ITGA1: variants seen among roughly 807,000 people sequenced by gnomAD.
The protein encoded by ITGA1 is integrin alpha-1.
In ITGA1, 85 loss-of-function variants were observed where a neutral mutation model predicts 145.9. The observed-to-expected ratio is 0.58, with a 90% confidence interval of 0.49 to 0.70. The LOEUF (loss-of-function observed/expected upper bound fraction) is 0.70. Among genes scored for constraint, ITGA1 ranks in the 30% least tolerant of loss-of-function variants. ITGA1 has a pLI of 0.00. For missense variants in ITGA1, 1,351 were observed against 1,418.7 expected, an observed-to-expected ratio of 0.95 and a Z score of 0.77; for synonymous variants, 520 against 495.3, an observed-to-expected ratio of 1.05 and a Z score of -0.66.
In ITGA1 at chr5:52,939,755, T is replaced by C. The variant is rs1046533123; in HGVS notation, c.3180+64T>C. ...CAAATGAATAAAATTGATATCAATC[T>C]AGAAATAACCATCTGAAGAATTTAA... On this transcript the variant is annotated intron_variant, in intron 25 of 28. Coordinates refer to ENST00000282588, the MANE Select transcript of ITGA1 (RefSeq NM_181501.2). The C allele has an allele frequency of 1.8e-5, 26 of 1,443,382 alleles. No homozygotes were observed. In the African/African-American group the frequency reaches 3.5e-4, roughly 20 times the overall value. The allele number at this position is 1,443,382 out of a possible 1,614,324, so 89.4% of individuals were successfully genotyped here.
chr5:52,909,312 T>C (rs1291353363), intron 13 of ITGA1, among the ~76,000 whole-genome samples: 2 of 152,070 alleles, frequency 1.3e-5, no homozygotes, highest in Non-Finnish European at 2.9e-5. Flanking sequence ...ACTAAACTGC[T>C]AAATAAACCC....
chr5:52,822,855 C>G (rs1473954877), intron 1 of ITGA1, among the ~76,000 whole-genome samples: 1 of 152,178 alleles, frequency 6.6e-6, no homozygotes, highest in Non-Finnish European at 1.5e-5. Context: ...AAATTGTTTT[C>G]TGCTCTAGGT....
intron 1 of ITGA1, chr5:52,801,520 G>A (rs1344918971): frequency 6.2e-7 from 1 of 1,614,158 alleles, no homozygotes. Context: ...AGCCTTGGAT[G>A]ACTTCTATAA....
intron 7 of ITGA1, among the ~76,000 whole-genome samples, 162 bp from the exon 8 acceptor site, chr5:52,887,653 C>T (rs1319825875): frequency 2.0e-5 from 3 of 152,202 alleles, no homozygotes; most frequent in Non-Finnish European, 4.4e-5. Context: ...CTATTACAAA[C>T]AAGGCTCATT....
intron 2 of ITGA1, among the ~76,000 whole-genome samples, chr5:52,857,372 C>T (rs1372598859): frequency 6.6e-6 from 1 of 151,994 alleles, no homozygotes; most frequent in African/African-American, 2.4e-5. Context: ...CAGGATTTCT[C>T]TTGTTACTGT....
chr5:52,912,828 G>C (rs890020912), intron 14 of ITGA1, among the ~76,000 whole-genome samples: 2 of 150,194 alleles, frequency 1.3e-5, no homozygotes, highest in African/African-American at 4.9e-5. Flanking sequence ...CTTACTGCAC[G>C]CTCCACCTCC....
intron 1 of ITGA1, among the ~76,000 whole-genome samples, chr5:52,846,901 G>A (rs1247978767): frequency 6.6e-6 from 1 of 152,026 alleles, no homozygotes; most frequent in East Asian, 1.9e-4. Flanking sequence ...CCTTAACTAA[G>A]ATGAAATAGT....
intron 27 of ITGA1, among the ~76,000 whole-genome samples, chr5:52,946,905 A>T (rs1030339550): frequency 1.2e-4 from 19 of 152,218 alleles, no homozygotes; most frequent in Admixed American, 1.2e-3. Context: ...TAAACAAAAA[A>T]TTATGCACAC....
At chr5:52,875,822 A>G (rs1298066960) in intron 6 of ITGA1, among the ~76,000 whole-genome samples, 1 of 152,036 alleles carries the variant, frequency 6.6e-6, no homozygotes, top group African/African-American at 2.4e-5. Flanking sequence ...TCCAACTTCC[A>G]CCATCTGACT....
chr5:52,954,227 CA>C lies in ITGA1; in HGVS notation c.*1777del, dbSNP rs1460898777. On this transcript the variant is annotated 3_prime_UTR_variant, in exon 29 of 29. Coordinates refer to ENST00000282588, the MANE Select transcript of ITGA1 (RefSeq NM_181501.2). ...ACCTACCACTTGTTCTTTCTTTGCC[CA>C]GTAAAACTCAGGGTTTCTCTTATTC... The C allele has an allele frequency of 6.6e-6, 1 of 152,118 alleles. No homozygotes were observed. Among genetic ancestry groups the C allele is most frequent in the Non-Finnish European group, 1.5e-5 (1 of 68,022 alleles). The allele number at this position is 152,118 out of a possible 1,614,324, so 9.4% of individuals were successfully genotyped here.
At chr5:52,806,616 A>G (rs557709626) in intron 1 of ITGA1, among the ~76,000 whole-genome samples, 1 of 152,200 alleles carries the variant, frequency 6.6e-6, no homozygotes, top group African/African-American at 2.4e-5. Flanking sequence ...AGTGTGTGAT[A>G]TATATCACCA....
intron 1 of ITGA1, among the ~76,000 whole-genome samples, chr5:52,808,676 C>CTTTCTTTTTTTTTTTTTTTT (rs1554041033): frequency 5.5e-4 from 38 of 69,330 alleles, no homozygotes; most frequent in African/African-American, 7.6e-4. Context: ...TTCTTTCTTT[C>CTTTCTTTTTTTTTTTTTTTT]TTTTTTTTTT....
intron 14 of ITGA1, 93 bp downstream of exon 14, chr5:52,910,512 C>T: frequency 7.3e-7 from 1 of 1,365,778 alleles, no homozygotes; most frequent in Non-Finnish European, 1.0e-6. Context: ...TATTTAATTT[C>T]TTCCTCCTGA....
At chr5:52,911,345 A>G (rs1462496983) in intron 14 of ITGA1, among the ~76,000 whole-genome samples, 1 of 134,750 alleles carries the variant, frequency 7.4e-6, no homozygotes, top group Non-Finnish European at 1.5e-5. Context: ...TATATATAGT[A>G]TATAGTGTAT....
At chr5:52,949,945 T>A (rs139871116) in intron 28 of ITGA1, among the ~76,000 whole-genome samples, 1 of 152,178 alleles carries the variant, frequency 6.6e-6, no homozygotes, top group African/African-American at 2.4e-5. Flanking sequence ...TTGGAGTTCA[T>A]TGGAACTCCC....
At chr5:52,796,713 CAAAGGACCTTTA>C (rs1399901968) in intron 1 of ITGA1, among the ~76,000 whole-genome samples, 3 of 152,120 alleles carry the variant, frequency 2.0e-5, no homozygotes, top group African/African-American at 7.2e-5. Flanking sequence ...CTACTATGTG[CAAAGGACCTTTA>C]AAAGGACAAA....
intron 1 of ITGA1, among the ~76,000 whole-genome samples, chr5:52,791,626 TTA>T (rs1748243351): frequency 6.6e-6 from 1 of 152,320 alleles, no homozygotes; most frequent in South Asian, 2.1e-4. Flanking sequence ...CCGAAATGTA[TTA>T]TGTGCAAGGC....
intron 2 of ITGA1, among the ~76,000 whole-genome samples, chr5:52,858,731 A>C (rs1749554195): frequency 6.6e-6 from 1 of 152,202 alleles, no homozygotes; most frequent in Admixed American, 6.5e-5. Context: ...TTCTTGATGT[A>C]TTCCTGATTA....
intron 1 of ITGA1, among the ~76,000 whole-genome samples, chr5:52,806,662 T>C (rs1224537901): frequency 6.6e-6 from 1 of 152,186 alleles, no homozygotes; most frequent in African/African-American, 2.4e-5. Context: ...CTATTATTTC[T>C]AAATTTCCAA....
Sources: gnomAD v4.1 joint callset for allele counts (sites outside exome capture counted in the v4.1 genomes callset) on GRCh38, gnomAD v4.1.1 for gene constraint, MANE v1.5 for transcripts, NCBI Gene and HGNC (gene_info 2026-07-23, HGNC 2026-07-21) for gene names.